ADAM32: variants seen among roughly 807,000 people sequenced by gnomAD.
The protein encoded by ADAM32 is disintegrin and metalloproteinase domain-containing protein 32.
A neutral mutation model predicts 114.9 loss-of-function variants in ADAM32; 89 were observed. The ratio of observed to expected loss-of-function variants is 0.77; its 90% confidence interval spans 0.65 to 0.92. ADAM32 has a LOEUF of 0.92. ADAM32 is among the 40% of genes least tolerant of loss of function. ADAM32 has a pLI of 0.00. For synonymous variants in ADAM32, 285 were observed against 307.5 expected (o/e 0.93, Z 0.77); for missense variants, 870 against 932.8 (o/e 0.93, Z 0.88).
intron 20 of ADAM32, among the ~76,000 whole-genome samples, chr8:39,272,101 G>GAAAAAAAAAAAAAAAA (rs11366445): frequency 4.6e-5 from 3 of 65,810 alleles, no homozygotes; most frequent in Non-Finnish European, 8.7e-5. Flanking sequence ...GTGAGCTCCA[G>GAAAAAAAAAAAAAAAA]AAAAAAAAAA....
At chr8:39,160,022 A>G (rs1804396791) in intron 6 of ADAM32, among the ~76,000 whole-genome samples, 5 of 152,228 alleles carry the variant, frequency 3.3e-5, no homozygotes, top group Admixed American at 2.6e-4. Context: ...TTGCGTGAAT[A>G]GGCCATTTGC....
intron 4 of ADAM32, among the ~76,000 whole-genome samples, chr8:39,149,470 C>G (rs2129445493): frequency 6.6e-6 from 1 of 152,196 alleles, no homozygotes; most frequent in Non-Finnish European, 1.5e-5. Flanking sequence ...TTAAAGAAAT[C>G]CAGATTCATC....
intron 6 of ADAM32, among the ~76,000 whole-genome samples, chr8:39,156,798 T>G (rs1167476043): frequency 6.6e-6 from 1 of 152,178 alleles, no homozygotes; most frequent in Non-Finnish European, 1.5e-5. Context: ...TAATTTTCTC[T>G]TATAAAGATA....
chr8:39,201,554 A>G (rs1303743682), intron 11 of ADAM32, among the ~76,000 whole-genome samples: 1 of 152,220 alleles, frequency 6.6e-6, no homozygotes, highest in African/African-American at 2.4e-5. Flanking sequence ...TTCTAGATAT[A>G]CAATCACGTC....
intron 9 of ADAM32, 157 bp downstream of exon 9, chr8:39,165,353 G>T: frequency 1.7e-6 from 1 of 571,486 alleles, no homozygotes; most frequent in Non-Finnish European, 2.8e-6. Flanking sequence ...TAGTTGTCAG[G>T]CAATAAAAAA....
chr8:39,171,632 G>C (rs1805205971), intron 10 of ADAM32, among the ~76,000 whole-genome samples: 2 of 151,844 alleles, frequency 1.3e-5, no homozygotes, highest in African/African-American at 4.8e-5. Flanking sequence ...TCTTCATTTA[G>C]TCCTATTTAA....
chr8:39,247,377 T>G (rs1338337808), intron 17 of ADAM32, among the ~76,000 whole-genome samples: 3 of 152,274 alleles, frequency 2.0e-5, no homozygotes, highest in African/African-American at 7.2e-5. Context: ...GTTGTCAGTG[T>G]TTTGGATTTT....
chr8:39,236,007 T>C (rs1373409149), intron 16 of ADAM32, among the ~76,000 whole-genome samples: 8 of 152,194 alleles, frequency 5.3e-5, no homozygotes, highest in Non-Finnish European at 1.0e-4. Context: ...TAAAATAACA[T>C]TTTTTAAAAA....
intron 11 of ADAM32, among the ~76,000 whole-genome samples, chr8:39,188,534 A>G (rs1427942249): frequency 6.6e-6 from 1 of 152,188 alleles, no homozygotes; most frequent in Non-Finnish European, 1.5e-5. Flanking sequence ...TGATAATAAG[A>G]TGAACAAATA....
chr8:39,153,588 G>A (rs1343497884), intron 6 of ADAM32, among the ~76,000 whole-genome samples: 2 of 152,164 alleles, frequency 1.3e-5, no homozygotes, highest in South Asian at 2.1e-4. Flanking sequence ...GTGGGAAAGG[G>A]TGAGTTTGGT....
intron 12 of ADAM32, among the ~76,000 whole-genome samples, chr8:39,218,148 T>C (rs1355393258): frequency 6.6e-6 from 1 of 152,150 alleles, no homozygotes; most frequent in Non-Finnish European, 1.5e-5. Context: ...TCTTGGATAA[T>C]ATCCAGAAGA....
chr8:39,206,774 TG>T (rs1298765788), intron 11 of ADAM32, among the ~76,000 whole-genome samples: 7 of 152,146 alleles, frequency 4.6e-5, no homozygotes, highest in Non-Finnish European at 1.0e-4. Context: ...TGGGTGGATG[TG>T]GGGGTATGTC....
chr8:39,114,779 C>T (rs765469277), intron 1 of ADAM32, among the ~76,000 whole-genome samples: 6 of 152,088 alleles, frequency 3.9e-5, no homozygotes, highest in Non-Finnish European at 7.4e-5. Context: ...GGGTAAATTG[C>T]GTGTCACTGG....
At chr8:39,174,214 T>C (rs1157594395) in intron 10 of ADAM32, among the ~76,000 whole-genome samples, 4 of 152,238 alleles carry the variant, frequency 2.6e-5, no homozygotes, top group Non-Finnish European at 2.9e-5. Context: ...ATTTATTAAA[T>C]AGGGAATCCT....
chr8:39,235,838 A>G (rs562740185), intron 16 of ADAM32, among the ~76,000 whole-genome samples: 2 of 152,306 alleles, frequency 1.3e-5, no homozygotes, highest in East Asian at 3.9e-4. Context: ...CAACATATTA[A>G]AAGTTTAAAA....
chr8:39,185,458 T>G (rs1266946619), intron 10 of ADAM32, among the ~76,000 whole-genome samples: 2 of 152,162 alleles, frequency 1.3e-5, no homozygotes, highest in African/African-American at 4.8e-5. Context: ...TCCTCCCAGC[T>G]CTCTTTGAAT....
intron 11 of ADAM32, among the ~76,000 whole-genome samples, chr8:39,196,911 A>G (rs1807047402): frequency 1.3e-5 from 2 of 152,072 alleles, no homozygotes; most frequent in African/African-American, 4.8e-5. Flanking sequence ...GTTTGAGAAA[A>G]ACTGGTGTTA....
At chr8:39,185,110 C>G (rs1314519592) in intron 10 of ADAM32, among the ~76,000 whole-genome samples, 2 of 152,000 alleles carry the variant, frequency 1.3e-5, no homozygotes, top group Non-Finnish European at 2.9e-5. Context: ...ACTAAAAATA[C>G]AAAAATTAGC....
chr8:39,107,700 G>A, upstream of ADAM32: 1 of 1,546,664 alleles, frequency 6.5e-7, no homozygotes. Flanking sequence ...GCGGCCCCCG[G>A]CGTCCGCGCG....
Sources: gnomAD v4.1 joint callset for allele counts (sites outside exome capture counted in the v4.1 genomes callset) on GRCh38, gnomAD v4.1.1 for gene constraint, MANE v1.5 for transcripts, NCBI Gene and HGNC (gene_info 2026-07-23, HGNC 2026-07-21) for gene names.